PID1: variants seen among roughly 807,000 people sequenced by gnomAD.
PID1 encodes the protein phosphotyrosine interaction domain containing 1, also known as PTB-containing, cubilin and LRP1-interacting protein.
Under a neutral mutation model 19.1 loss-of-function variants are expected in PID1, and 10 were observed. The observed-to-expected ratio is 0.52, with a 90% CI of 0.32 to 0.89. The LOEUF (loss-of-function observed/expected upper bound fraction) is 0.89, where lower values mean the gene tolerates loss of function less well. Among genes scored for constraint, PID1 ranks in the 40% least tolerant of loss-of-function variants. The pLI is 0.03. For synonymous variants in PID1, 130 were observed against 116.0 expected (o/e 1.12, Z -0.78); for missense variants, 248 against 285.3 (o/e 0.87, Z 0.94).
intron 2 of PID1, among the ~76,000 whole-genome samples, chr2:229,059,603 C>A (rs1385473221): frequency 6.6e-6 from 1 of 152,162 alleles, no homozygotes; most frequent in Non-Finnish European, 1.5e-5. Context: ...GCTTTCCACC[C>A]AGCTATGATA....
rs1559274415 is a variant in PID1, at chr2:229,184,424, TATAG to T, written c.31-28464_31-28461del. On this transcript the variant is annotated intron_variant, in intron 1 of 2. Transcript: ENST00000392055. ...CCCGTATATATCTATCCCGTATATATATAGCCCGTATATATATATAGCCCGTATA... is the reference window on the plus strand; with the variant it reads ...CCCGTATATATCTATCCCGTATATATCCCGTATATATATATAGCCCGTATA... 3.1e-3 allele frequency among the ~76,000 whole-genome samples: 192 copies of T among 61,238 alleles called. 74 individuals carry two copies. The highest frequency in any genetic ancestry group is 5.6e-3 in the African/African-American group (69 of 12,406). 40.2% of individuals were successfully genotyped at this position (61,238 alleles called of 152,430 possible).
intron 1 of PID1, among the ~76,000 whole-genome samples, chr2:229,205,236 C>G (rs959522006): frequency 6.8e-6 from 1 of 147,694 alleles, no homozygotes; most frequent in Non-Finnish European, 1.5e-5. Flanking sequence ...ATCACACATA[C>G]ATACTACATA....
chr2:229,245,556 T>C (rs1029629678), intron 1 of PID1, among the ~76,000 whole-genome samples: 32 of 152,240 alleles, frequency 2.1e-4, no homozygotes, highest in Middle Eastern at 3.4e-3. Flanking sequence ...TTACTTAGAG[T>C]GCAAATTACA....
At chr2:229,111,828 A>G (rs1439325438) in intron 2 of PID1, among the ~76,000 whole-genome samples, 1 of 152,236 alleles carries the variant, frequency 6.6e-6, no homozygotes, top group Non-Finnish European at 1.5e-5. Context: ...TCATCATGTG[A>G]TAAGTTAAAT....
At chr2:229,258,811 G>A (rs939235387) in intron 1 of PID1, among the ~76,000 whole-genome samples, 1 of 146,094 alleles carries the variant, frequency 6.8e-6, no homozygotes, top group Admixed American at 7.0e-5. Context: ...GCAGTGAGCT[G>A]AGATGGCGCC....
At chr2:229,225,486 C>A (rs1692058353) in intron 1 of PID1, among the ~76,000 whole-genome samples, 2 of 152,020 alleles carry the variant, frequency 1.3e-5, no homozygotes, top group African/African-American at 4.8e-5. Context: ...ATTTATTCTC[C>A]CACCCCTACT....
intron 2 of PID1, among the ~76,000 whole-genome samples, chr2:229,134,454 G>A (rs1689817368): frequency 6.6e-6 from 1 of 151,570 alleles, no homozygotes; most frequent in South Asian, 2.1e-4. Flanking sequence ...ATGCGGGCCA[G>A]GCTGGTCTCG....
intron 1 of PID1, among the ~76,000 whole-genome samples, chr2:229,220,231 C>T (rs1353587872): frequency 6.6e-6 from 1 of 152,094 alleles, no homozygotes; most frequent in East Asian, 1.9e-4. Context: ...GTTGCCCAGG[C>T]TCCCATGACA....
intron 1 of PID1, among the ~76,000 whole-genome samples, chr2:229,243,886 T>C (rs1354805043): frequency 6.6e-6 from 1 of 152,166 alleles, no homozygotes; most frequent in Non-Finnish European, 1.5e-5. Context: ...TCCTAGCTCA[T>C]ACATTTTTGT....
In PID1 at chr2:229,183,892, ATATATATATATATATATATCCCC is replaced by A. The variant is rs1196647732; in HGVS notation, c.31-27951_31-27929del. On this transcript the variant is annotated intron_variant, in intron 1 of 2. Transcript: ENST00000392055. ...TCTCTCTCTTTCTATATATATATAT[ATATATATATATATATATATCCCC>A]TATATATATCCCCTATATATATCCC... Among the ~76,000 whole-genome samples, 145 of 15,876 alleles carry A rather than the reference ATATATATATATATATATATCCCC, an allele frequency of 9.1e-3. 51 individuals are homozygous for A. The highest frequency in any genetic ancestry group is 0.17 in the Middle Eastern group (2 of 12). The allele number at this position is 15,876 out of a possible 152,430, so 10.4% of individuals were successfully genotyped here.
intron 2 of PID1, among the ~76,000 whole-genome samples, chr2:229,150,761 C>T (rs978238893): frequency 2.0e-5 from 3 of 151,724 alleles, no homozygotes; most frequent in African/African-American, 4.8e-5. Context: ...AGCATCCACA[C>T]GGCCATATAG....
chr2:229,176,321 C>A (rs1690822439), intron 1 of PID1, among the ~76,000 whole-genome samples: 1 of 152,198 alleles, frequency 6.6e-6, no homozygotes, highest in Admixed American at 6.5e-5. Context: ...TCAGAGCTCC[C>A]CTGCTTGCCT....
At chr2:229,049,986 C>T (rs531318773) in intron 2 of PID1, among the ~76,000 whole-genome samples, 11 of 152,156 alleles carry the variant, frequency 7.2e-5, no homozygotes, top group Middle Eastern at 3.4e-3. Context: ...TACACACCTA[C>T]GTATAATTAA....
chr2:229,051,071 T>C (rs1282849241), intron 2 of PID1, among the ~76,000 whole-genome samples: 2 of 152,196 alleles, frequency 1.3e-5, no homozygotes, highest in African/African-American at 4.8e-5. Context: ...ATTCTCTACA[T>C]GTACTCTCAA....
At chr2:229,206,762 T>C (rs1691617613) in intron 1 of PID1, among the ~76,000 whole-genome samples, 1 of 152,226 alleles carries the variant, frequency 6.6e-6, no homozygotes, top group East Asian at 1.9e-4. Flanking sequence ...CAGCACTTCA[T>C]ATATTTGCAT....
chr2:229,112,107 CTTG>C (rs952213982), intron 2 of PID1, among the ~76,000 whole-genome samples: 4 of 152,150 alleles, frequency 2.6e-5, no homozygotes, highest in African/African-American at 9.7e-5. Flanking sequence ...GTCCACTGGC[CTTG>C]TTAAGAACTT....
intron 2 of PID1, among the ~76,000 whole-genome samples, chr2:229,085,223 TAA>T (rs200081184): frequency 7.7e-4 from 97 of 126,446 alleles, no homozygotes; most frequent in African/African-American, 2.1e-3. Context: ...CATATACTTG[TAA>T]AAAAAAAAAA....
intron 2 of PID1, among the ~76,000 whole-genome samples, chr2:229,105,431 A>G (rs1460738789): frequency 6.6e-6 from 1 of 152,278 alleles, no homozygotes; most frequent in Non-Finnish European, 1.5e-5. Flanking sequence ...GAAACAGTCC[A>G]TTTGAAAATG....
At chr2:229,182,849 C>T (rs370855796) in intron 1 of PID1, among the ~76,000 whole-genome samples, 3 of 152,200 alleles carry the variant, frequency 2.0e-5, no homozygotes, top group East Asian at 1.9e-4. Flanking sequence ...CATGCCTTAA[C>T]CCCCAAGTGG....
Sources: gnomAD v4.1 joint callset for allele counts (sites outside exome capture counted in the v4.1 genomes callset) on GRCh38, gnomAD v4.1.1 for gene constraint, MANE v1.5 for transcripts, NCBI Gene and HGNC (gene_info 2026-07-23, HGNC 2026-07-21) for gene names.